The following LRP1 variants were observed in gnomAD, a reference collection of about 807,000 sequenced individuals.
LRP1 encodes the protein prolow-density lipoprotein receptor-related protein 1.
LRP1 carries 51 observed loss-of-function variants against 541.5 expected under a neutral mutation model. That is an observed-to-expected ratio of 0.09 (90% CI 0.08 to 0.12). LRP1 has a LOEUF of 0.12. Ranked by LOEUF, LRP1 falls within the 10% of genes least tolerant of loss-of-function variation. The pLI, the probability that LRP1 is intolerant of heterozygous loss-of-function variation, is 1.00. For synonymous variants in LRP1, 2,219 were observed against 2,470.8 expected, an observed-to-expected ratio of 0.90 and a Z score of 3.02; for missense variants, 3,878 against 6,376.2, an observed-to-expected ratio of 0.61 and a Z score of 13.34.
chr12:57,170,055 T>C (rs2035916020), intron 20 of LRP1, among the ~76,000 whole-genome samples: 1 of 152,224 alleles, frequency 6.6e-6, no homozygotes, highest in Non-Finnish European at 1.5e-5. Flanking sequence ...GGAGATTCTG[T>C]CCCAGGCCTC....
At chr12:57,191,238 AG>A (rs758248415) in intron 43 of LRP1, 81 bp from the exon 44 acceptor site, 24 of 1,378,086 alleles carry the variant, frequency 1.7e-5, no homozygotes, top group Non-Finnish European at 2.3e-5. Flanking sequence ...TAGCTGTCAG[AG>A]GCCAGGCCAG....
rs1290460419 is a variant in LRP1, at chr12:57,185,668, C to G, written c.6601C>G (p.Leu2201Val). Residue 2201 changes from leucine (L) to valine (V), a missense_variant, in exon 41 of 89, where the codon CTG becomes GTG. By Grantham distance (32) the Leu-to-Val change is conservative. Coordinates refer to ENST00000243077, the MANE Select transcript of LRP1 (RefSeq NM_002332.3). The surrounding 1 kb of genome is among the most constrained non-coding windows in gnomAD (Gnocchi z 4.9). ...GASCREYAGYLLYSERTILKS... is the reference protein window; with the variant it reads ...GASCREYAGYVLYSERTILKS... ...ATCGTGCCGCGAGTATGCCGGCTAC[C>G]TGCTCTACTCAGAGCGCACCATTCT... is the stretch of plus-strand genomic sequence containing the variant. The G allele has an allele frequency of 1.2e-6, 2 of 1,613,728 alleles. No homozygotes were observed. Among genetic ancestry groups the G allele is most frequent in the African/African-American group, 2.7e-5 (2 of 74,928 alleles).
chr12:57,154,315 T>C lies in LRP1; in HGVS notation c.949T>C (p.Leu317=), dbSNP rs1399536152. The change falls in exon 7 of 89, where the codon TTG becomes CTG. Residue 317 remains leucine, a synonymous_variant. Coordinates refer to ENST00000243077, the MANE Select transcript of LRP1 (RefSeq NM_002332.3). The surrounding 1 kb of genome is among the most constrained non-coding windows in gnomAD (Gnocchi z 4.6). ...CAGAAATGGGGACACATGTGTCACA[T>C]TGCTAGACCTGGAACTCTACAACCC... ...CNRNGDTCVT[L]LDLELYNPKG... is the part of the protein sequence containing the mutation. 5.6e-6 allele frequency: 9 copies of C among 1,614,144 alleles called. No homozygotes were observed. Among genetic ancestry groups the C allele is most frequent in the South Asian group, 1.1e-5 (1 of 91,088 alleles).
chr12:57,197,163 C>T lies in LRP1; in HGVS notation c.9074C>T (p.Thr3025Ile). The change falls in exon 56 of 89, where the codon ACT becomes ATT. Residue 3025 changes from threonine to isoleucine, a missense_variant and splice_region_variant. Physicochemically the swap from Thr to Ile is moderately conservative, Grantham distance 89 (BLOSUM62 -1). This residue lies in a region of LRP1 where 1,100 missense variants were observed against 1,827.4 expected (regional missense o/e 0.60). Coordinates refer to ENST00000243077, the MANE Select transcript of LRP1 (RefSeq NM_002332.3). This position sits in a 1 kb window ranked among gnomAD's most constrained non-coding sequence, Gnocchi z 4.5. ...GACCCCCACAGCTGCAAGGCTGTGA[C>T]TGGTGAGATGCGCGCTTGGAGGGCA... ...GGDPHSCKAV[T>I]DEEPFLIFAN... 1 of 1,613,972 alleles carries T rather than the reference C, an allele frequency of 6.2e-7. No individual in the cohort carries two copies. Among genetic ancestry groups the T allele is most frequent in the Non-Finnish European group, 8.5e-7 (1 of 1,180,026 alleles).
intron 6 of LRP1, chr12:57,147,555 T>G (rs1377056383): frequency 6.6e-6 from 1 of 152,238 alleles, no homozygotes; most frequent in Non-Finnish European, 1.5e-5. Context: ...AAGCCTTCCA[T>G]TCTGTGCTGT....
At position 57,199,934 on chromosome 12, in the gene LRP1, C is replaced by T. The variant is rs746509315; in HGVS notation, c.9923C>T (p.Ser3308Phe). ...NGGCSNLCLL[S>F]PGGGHKCACP... ...GGCTGCAGCAACCTGTGCCTGCTGT[C>T]CCCCGGGGGAGGGCACAAATGTGCC... is the stretch of plus-strand genomic sequence containing the variant. Residue 3308 changes from serine (S) to phenylalanine (F), a missense_variant, in exon 62 of 89, where the codon TCC (serine) becomes TTC (phenylalanine). Coordinates refer to ENST00000243077, the MANE Select transcript of LRP1 (RefSeq NM_002332.3). 2.5e-6 allele frequency: 4 copies of T among 1,594,736 alleles called. No individual in the cohort carries two copies. The Admixed American group carries it at 5.5e-5, about 22-fold the overall frequency.
At position 57,205,780 on chromosome 12, in the gene LRP1, C is replaced by T. The variant is rs977723829; in HGVS notation, c.11590+103C>T. On this transcript the variant is annotated intron_variant, in intron 75 of 88. Coordinates refer to ENST00000243077, the MANE Select transcript of LRP1 (RefSeq NM_002332.3). The surrounding 1 kb of genome is among the most constrained non-coding windows in gnomAD (Gnocchi z 4.6). ...GAATGTCTTCCTGCGGACATCTTGCCCAGACAAGAAGCCCCAGACTCATAG... is the reference window on the plus strand; with the variant it reads ...GAATGTCTTCCTGCGGACATCTTGCTCAGACAAGAAGCCCCAGACTCATAG... The T allele has an allele frequency of 1.1e-5, 17 of 1,503,908 alleles. No individual in the cohort carries two copies. In the Admixed American group the frequency reaches 2.9e-4, roughly 25 times the overall value. The allele number at this position is 1,503,908 out of a possible 1,614,324, so 93.2% of individuals were successfully genotyped here. A position where few individuals can be genotyped will look rare whatever the true frequency, so the allele number is the denominator to read the frequency against.
chr12:57,184,774 G>C lies in LRP1; in HGVS notation c.6187-65G>C. ...CACTCTGGCCCAGGCACTCCCTGCT[G>C]CCCCAGACATGGGGCTGGCAGCGAG... On this transcript the variant is annotated intron_variant, in intron 38 of 88. Coordinates refer to ENST00000243077, the MANE Select transcript of LRP1 (RefSeq NM_002332.3). The surrounding 1 kb of genome is among the most constrained non-coding windows in gnomAD (Gnocchi z 7.8). 6.4e-7 allele frequency: 1 copy of C among 1,553,932 alleles called. No individual in the cohort carries two copies. The highest frequency in any genetic ancestry group is 8.8e-7 in the Non-Finnish European group (1 of 1,141,754).
rs1391407648 is a variant in LRP1, at chr12:57,213,220, G to C, written c.*665G>C. 2 of 151,998 alleles carry C rather than the reference G, an allele frequency of 1.3e-5. No homozygotes were observed. Among genetic ancestry groups the C allele is most frequent in the Admixed American group, 6.6e-5 (1 of 15,260 alleles). 9.4% of individuals were successfully genotyped at this position (151,998 alleles called of 1,614,324 possible). On this transcript the variant is annotated 3_prime_UTR_variant, in exon 89 of 89. Coordinates refer to ENST00000243077, the MANE Select transcript of LRP1 (RefSeq NM_002332.3). Reference sequence around the variant, plus strand: ...TCCCCTCCCCTGGGGACGCCAAGGAGGTGGGCCACACCCAGGAAGGGAAAG... The same window carrying C: ...TCCCCTCCCCTGGGGACGCCAAGGACGTGGGCCACACCCAGGAAGGGAAAG...
intron 31 of LRP1, 63 bp from the exon 32 acceptor site, chr12:57,180,267 G>C: frequency 6.3e-7 from 1 of 1,599,196 alleles, no homozygotes. Context: ...CTCACCATCT[G>C]CTCCCTTCCC....
intron 11 of LRP1, among the ~76,000 whole-genome samples, chr12:57,159,525 C>T (rs1380258239): frequency 1.3e-5 from 2 of 152,204 alleles, no homozygotes; most frequent in African/African-American, 4.8e-5. Flanking sequence ...TTCAGCTCTC[C>T]ATGCAGGCAC....
Position 57,185,724 on chromosome 12 carries a change from C to T in LRP1, c.6657C>T (p.Asn2219=), listed in dbSNP as rs769819084. 13 of 1,614,204 alleles carry T rather than the reference C, an allele frequency of 8.1e-6. No individual in the cohort carries two copies. Among genetic ancestry groups the T allele is most frequent in the Non-Finnish European group, 6.8e-6 (8 of 1,180,022 alleles). Reference sequence around the variant, plus strand: ...GTATCCACCTGTCGGATGAGCGCAACCTCAATGCGCCCGTGCAGCCCTTCG... The same window carrying T: ...GTATCCACCTGTCGGATGAGCGCAATCTCAATGCGCCCGTGCAGCCCTTCG... ...LKSIHLSDER[N]LNAPVQPFED... Residue 2219 remains asparagine, a synonymous_variant, in exon 41 of 89, where the codon AAC becomes AAT. Coordinates refer to ENST00000243077, the MANE Select transcript of LRP1 (RefSeq NM_002332.3). The surrounding 1 kb of genome is among the most constrained non-coding windows in gnomAD (Gnocchi z 4.9).
chr12:57,211,016 C>A lies in LRP1; in HGVS notation c.12916+137C>A. ...GAAGGCCTTATGCAGCTGAGCCAGG[C>A]CCAAGCTGCTGGCGCTTCCCCACAA... On this transcript the variant is annotated intron_variant, in intron 83 of 88. Transcript: ENST00000243077. The surrounding 1 kb of genome is among the most constrained non-coding windows in gnomAD (Gnocchi z 4.3). 1 of 1,396,916 alleles carries A rather than the reference C, an allele frequency of 7.2e-7. No homozygotes were observed. Among genetic ancestry groups the A allele is most frequent in the Non-Finnish European group, 9.7e-7 (1 of 1,032,418 alleles). 86.5% of individuals were successfully genotyped at this position (1,396,916 alleles called of 1,614,324 possible).
At chr12:57,207,631 C>G (rs1453753185) in intron 76 of LRP1, among the ~76,000 whole-genome samples, 1 of 152,188 alleles carries the variant, frequency 6.6e-6, no homozygotes, top group Non-Finnish European at 1.5e-5. Context: ...GAGGCATGGC[C>G]AGCGGGAAGA....
At chr12:57,199,509 A>T in intron 61 of LRP1, 109 bp downstream of exon 61, 2 of 1,201,970 alleles carry the variant, frequency 1.7e-6, no homozygotes, top group East Asian at 2.4e-5. Context: ...CTGGCCAGAC[A>T]CTGGGAGACT....
In LRP1 at chr12:57,193,651, C is replaced by T. The variant is rs1324525521; in HGVS notation, c.7770C>T (p.Asp2590=). ...SNMLWCNGAD[D]CGDGSDEIPC... ...TGCTGTGGTGCAACGGGGCCGACGA[C>T]TGTGGGGATGGCTCTGACGAGATCC... is the stretch of plus-strand genomic sequence containing the variant. Residue 2590 remains aspartate (D), a synonymous_variant, in exon 47 of 89, where the codon GAC becomes GAT. Transcript: ENST00000243077. The T allele has an allele frequency of 1.9e-6, 3 of 1,614,094 alleles. No individual in the cohort carries two copies. Among genetic ancestry groups the T allele is most frequent in the Middle Eastern group, 1.6e-4 (1 of 6,084 alleles).
Position 57,200,825 on chromosome 12 carries a change from T to TGGGGGGGGG in LRP1, c.10225+11_10225+12insGGGGGGGGG. 4.4e-6 allele frequency: 7 copies of TGGGGGGGGG among 1,595,814 alleles called. No homozygotes were observed. The highest frequency in any genetic ancestry group is 1.4e-5 in the African/African-American group (1 of 73,942). On this transcript the variant is annotated intron_variant, in intron 64 of 88. Coordinates refer to ENST00000243077, the MANE Select transcript of LRP1 (RefSeq NM_002332.3). Reference sequence around the variant, plus strand: ...GACGAGGCCAACTGTGGTAAGGCGCTGCCCGCCCACCCTCCCTCCTTCCCC... The same window carrying TGGGGGGGGG: ...GACGAGGCCAACTGTGGTAAGGCGCTGGGGGGGGGGCCCGCCCACCCTCCCTCCTTCCCC...
chr12:57,176,212 C>T, intron 24 of LRP1, 106 bp downstream of exon 24: 1 of 1,074,060 alleles, frequency 9.3e-7, no homozygotes, highest in African/African-American at 1.6e-5. Context: ...TTGGCTCCCC[C>T]ATCCCCCACA....
chr12:57,209,496 G>C (rs2036861001), intron 79 of LRP1, among the ~76,000 whole-genome samples, 196 bp from the exon 80 acceptor site: 1 of 152,230 alleles, frequency 6.6e-6, no homozygotes, highest in Non-Finnish European at 1.5e-5. Context: ...AGTCATGACT[G>C]ACCCCAGAAG....
Sources: allele counts gnomAD v4.1 joint callset (sites outside exome capture counted in the v4.1 genomes callset), GRCh38; gene constraint gnomAD v4.1.1; regional missense constraint gnomAD v4.1.1; non-coding constraint Gnocchi (gnomAD v3.1); transcripts MANE v1.5; gene names NCBI Gene and HGNC (gene_info 2026-07-23, HGNC 2026-07-21).